WWOX: variants seen among roughly 807,000 people sequenced by gnomAD.
The protein encoded by WWOX is WW domain containing oxidoreductase, also known as WW domain-containing oxidoreductase.
Under a neutral mutation model 46.2 loss-of-function variants are expected in WWOX, and 69 were observed. The ratio of observed to expected loss-of-function variants is 1.49; its 90% CI spans 1.23 to 1.82. WWOX has a LOEUF of 1.82. Among genes scored for constraint, WWOX ranks in the 40% most tolerant of loss-of-function variants. The pLI is 0.00. For missense variants in WWOX, 919 were observed against 542.6 expected, an observed-to-expected ratio of 1.69 and a Z score of -6.89; for synonymous variants, 359 against 202.6, an observed-to-expected ratio of 1.77 and a Z score of -6.56.
At chr16:79,188,156 G>A (rs941778090) in intron 8 of WWOX, among the ~76,000 whole-genome samples, 10 of 152,174 alleles carry the variant, frequency 6.6e-5, no homozygotes, top group Admixed American at 2.0e-4. Flanking sequence ...GAAAACCCAC[G>A]AAGTCTTGAG....
chr16:78,619,035 T>A (rs1017956520), intron 8 of WWOX, among the ~76,000 whole-genome samples: 1 of 146,716 alleles, frequency 6.8e-6, no homozygotes, highest in Non-Finnish European at 1.5e-5. Flanking sequence ...GTGGCTCATG[T>A]CTGTAATTCC....
chr16:79,103,365 A>T (rs1283493160), intron 8 of WWOX, among the ~76,000 whole-genome samples: 1 of 152,238 alleles, frequency 6.6e-6, no homozygotes, highest in African/African-American at 2.4e-5. Flanking sequence ...TGAAATCCTC[A>T]GTAAGGAAAA....
At position 78,952,571 on chromosome 16, in the gene WWOX, C is replaced by T. The variant is rs143711281; in HGVS notation, c.1057-259037C>T. Among the ~76,000 whole-genome samples, 288 of 151,930 alleles carry T rather than the reference C, an allele frequency of 1.9e-3. 1 individual carries two copies. The highest frequency in any genetic ancestry group is 6.4e-3 in the African/African-American group (264 of 41,436). On this transcript the variant is annotated intron_variant, in intron 8 of 8. Coordinates refer to ENST00000566780, the MANE Select transcript of WWOX (RefSeq NM_016373.4). ...CTAATTTTTGTATTTTTAGTAGAGACGGGGTTTCTGCCATGTTGGCCAGCC... is the reference window on the plus strand; with the variant it reads ...CTAATTTTTGTATTTTTAGTAGAGATGGGGTTTCTGCCATGTTGGCCAGCC...
intron 8 of WWOX, among the ~76,000 whole-genome samples, chr16:78,977,328 C>T (rs2046592295): frequency 6.6e-6 from 1 of 152,154 alleles, no homozygotes; most frequent in African/African-American, 2.4e-5. Context: ...CCTTTTGGAT[C>T]CTCCAGAGGC....
chr16:78,785,214 G>A (rs938271077), intron 8 of WWOX, among the ~76,000 whole-genome samples: 17 of 152,322 alleles, frequency 1.1e-4, no homozygotes, highest in African/African-American at 3.8e-4. Flanking sequence ...GCTAGCAGGC[G>A]CTCTCAGCAA....
intron 8 of WWOX, among the ~76,000 whole-genome samples, chr16:78,528,428 C>A (rs374335119): frequency 6.6e-6 from 1 of 151,790 alleles, no homozygotes; most frequent in African/African-American, 2.4e-5. Context: ...GAAAGTGGCT[C>A]GTATTCAAGG....
intron 8 of WWOX, among the ~76,000 whole-genome samples, chr16:79,062,450 G>T (rs890124516): frequency 5.3e-5 from 8 of 152,094 alleles, no homozygotes; most frequent in Admixed American, 3.9e-4. Context: ...CAAAGTTGAG[G>T]ACACTTCCCG....
rs1404844299 is a variant in WWOX at position 78,351,911 on chromosome 16, C to G, written c.517-34949C>G. 4.6e-5 allele frequency among the ~76,000 whole-genome samples: 7 copies of G among 152,314 alleles called. No homozygotes were observed. In the East Asian group the frequency reaches 9.6e-4, roughly 21 times the overall value. The stretch of plus-strand genomic sequence containing the variant: ...ACCTTAGGTGATATGCGCCCCTCAG[C>G]CTCCCAAAGTGCTGGGATTATAGGC... On this transcript the variant is annotated intron_variant, in intron 5 of 8. Transcript: ENST00000566780.
At chr16:78,668,188 A>G (rs1820254) in intron 8 of WWOX, among the ~76,000 whole-genome samples, 151,722 of 152,280 alleles carry the variant, frequency 1, 75,592 homozygotes, top group Middle Eastern at 1. Context: ...GCTGGGACAG[A>G]AGAACCACTG....
chr16:78,988,635 G>T (rs9931916), intron 8 of WWOX, among the ~76,000 whole-genome samples: 1 of 152,210 alleles, frequency 6.6e-6, no homozygotes, highest in African/African-American at 2.4e-5. Context: ...GCAAAAGGAA[G>T]TTACTGATGT....
intron 8 of WWOX, among the ~76,000 whole-genome samples, chr16:78,813,025 A>G (rs956925402): frequency 6.6e-6 from 1 of 151,998 alleles, no homozygotes; most frequent in African/African-American, 2.4e-5. Context: ...AGGTAAACCC[A>G]TGTAATTTCT....
chr16:78,848,224 A>G (rs2052350010), intron 8 of WWOX, among the ~76,000 whole-genome samples: 1 of 152,208 alleles, frequency 6.6e-6, no homozygotes, highest in East Asian at 1.9e-4. Context: ...CATACGGAAA[A>G]CAAGTAAGAG....
Position 78,374,527 on chromosome 16 carries a change from A to ATTTTTTTTTT in WWOX, c.517-12303_517-12294dup, listed in dbSNP as rs541225697. Among the ~76,000 whole-genome samples, 85 of 70,886 alleles carry ATTTTTTTTTT rather than the reference A, an allele frequency of 1.2e-3. 2 individuals carry two copies. Among genetic ancestry groups the ATTTTTTTTTT allele is most frequent in the Non-Finnish European group, 1.9e-3 (75 of 38,862 alleles). 46.5% of individuals were successfully genotyped at this position (70,886 alleles called of 152,430 possible). A position where few individuals can be genotyped will look rare whatever the true frequency, so the allele number is the denominator to read the frequency against. ...GAGTCCTCAACTTTTTCTGTCTTGAATTTTTTTTTTTTTTTTTTTTTTTTT... is the reference window on the plus strand; with the variant it reads ...GAGTCCTCAACTTTTTCTGTCTTGAATTTTTTTTTTTTTTTTTTTTTTTTTTTTTTTTTTT... On this transcript the variant is annotated intron_variant, in intron 5 of 8. Transcript: ENST00000566780.
intron 4 of WWOX, among the ~76,000 whole-genome samples, chr16:78,158,861 A>G (rs1411423022): frequency 1.3e-5 from 2 of 152,186 alleles, no homozygotes; most frequent in South Asian, 2.1e-4. Context: ...ACAGTACTAT[A>G]TGGTAGATCT....
At chr16:78,373,960 T>C (rs1567533205) in intron 5 of WWOX, among the ~76,000 whole-genome samples, 1 of 152,168 alleles carries the variant, frequency 6.6e-6, no homozygotes, top group Non-Finnish European at 1.5e-5. Context: ...CCAATTTTTG[T>C]ATTTTTAGTA....
intron 5 of WWOX, among the ~76,000 whole-genome samples, chr16:78,291,544 T>C (rs1218527502): frequency 6.6e-6 from 1 of 152,176 alleles, no homozygotes; most frequent in Non-Finnish European, 1.5e-5. Flanking sequence ...CAGAGGTTTC[T>C]TATTATTTCG....
chr16:78,158,374 T>TCCA (rs879934798), intron 4 of WWOX, among the ~76,000 whole-genome samples: 8 of 152,192 alleles, frequency 5.3e-5, no homozygotes, highest in Admixed American at 5.2e-4. Flanking sequence ...TATAGGGTCT[T>TCCA]CCACCACAGA....
In WWOX at chr16:79,010,093, G is replaced by T. The variant is rs577762150; in HGVS notation, c.1057-201515G>T. Among the ~76,000 whole-genome samples the T allele has an allele frequency of 7.4e-4, 113 of 152,264 alleles. 1 individual carries two copies. The highest frequency in any genetic ancestry group is 1.1e-3 in the Non-Finnish European group (72 of 68,022). Reference sequence around the variant, plus strand: ...CCTTGGCCAGCTGCTCACCCACCATGTCCCTCTGTTCCCACTCCACCTTAC... The same window carrying T: ...CCTTGGCCAGCTGCTCACCCACCATTTCCCTCTGTTCCCACTCCACCTTAC... On this transcript the variant is annotated intron_variant, in intron 8 of 8. Transcript: ENST00000566780.
chr16:78,845,183 T>TAA (rs377162463), intron 8 of WWOX, among the ~76,000 whole-genome samples: 3 of 141,976 alleles, frequency 2.1e-5, no homozygotes, highest in Non-Finnish European at 3.1e-5. Context: ...GGACTGGTCT[T>TAA]AAAAAAAAAA....
Sources: gnomAD v4.1 joint callset for allele counts (sites outside exome capture counted in the v4.1 genomes callset) on GRCh38, gnomAD v4.1.1 for gene constraint, MANE v1.5 for transcripts, NCBI Gene and HGNC (gene_info 2026-07-23, HGNC 2026-07-21) for gene names.